The following UBA2 variants were observed in gnomAD, a reference collection of about 807,000 sequenced individuals.
UBA2 encodes the protein SUMO-activating enzyme subunit 2.
UBA2 carries 11 observed loss-of-function variants against 77.2 expected under a neutral mutation model. The observed-to-expected ratio is 0.14, with a 90% CI of 0.09 to 0.24. The LOEUF (loss-of-function observed/expected upper bound fraction) is 0.24. Among genes scored for constraint, UBA2 ranks in the 10% least tolerant of loss-of-function variants. The pLI is 1.00. For synonymous variants in UBA2, 278 were observed against 276.7 expected (o/e 1.00, Z -0.05); for missense variants, 487 against 781.7 (o/e 0.62, Z 4.50).
rs1254619977 is a variant in UBA2 at position 34,466,950 on chromosome 19, T to G, written c.1677T>G (p.Ala559=). 1.2e-6 allele frequency: 2 copies of G among 1,613,968 alleles called. No individual in the cohort carries two copies. Among genetic ancestry groups the G allele is most frequent in the South Asian group, 1.1e-5 (1 of 91,070 alleles). The change falls in exon 16 of 17, where the codon GCT becomes GCG. Residue 559 remains alanine (A), a synonymous_variant. Transcript: ENST00000246548. ...CGGAAAAAGTGGGGCCCAAACAAGC[T>G]GAAGATGCTGCCAAAAGCATAACCA... ...DAPEKVGPKQ[A]EDAAKSITNG...
At position 34,434,944 on chromosome 19, in the gene UBA2, T is replaced by C; in HGVS notation, c.435T>C (p.Leu145=). 1 of 1,608,540 alleles carries C rather than the reference T, an allele frequency of 6.2e-7. No homozygotes were observed. Among genetic ancestry groups the C allele is most frequent in the Non-Finnish European group, 8.5e-7 (1 of 1,177,492 alleles). The change falls in exon 5 of 17, where the codon CTT becomes CTC. Residue 145 remains leucine (L), a synonymous_variant. Transcript: ENST00000246548. ...TTGAAAGTGGAACAGCTGGGTATCT[T>C]GGACAAGTAACTACTATCAAAAAGG... ...PLIESGTAGY[L]GQVTTIKKGV...
chr19:34,430,273 A>G (rs1275520404), intron 1 of UBA2: 1 of 254,720 alleles, frequency 3.9e-6, no homozygotes, highest in East Asian at 7.8e-5. Flanking sequence ...GTTTTAATGA[A>G]TTCACATATT....
At chr19:34,433,894 G>A (rs2075282025) in intron 4 of UBA2, among the ~76,000 whole-genome samples, 1 of 152,154 alleles carries the variant, frequency 6.6e-6, no homozygotes, top group Admixed American at 6.6e-5. Flanking sequence ...GGAGGCAGAG[G>A]TTGCAGTGAG....
intron 14 of UBA2, among the ~76,000 whole-genome samples, chr19:34,463,617 A>C (rs2075656127): frequency 6.6e-6 from 1 of 152,116 alleles, no homozygotes; most frequent in African/African-American, 2.4e-5. Context: ...ACAGAGTCCT[A>C]AAAATTTTTT....
chr19:34,459,056 G>A, intron 13 of UBA2, 132 bp downstream of exon 13: 1 of 979,914 alleles, frequency 1.0e-6, no homozygotes, highest in Non-Finnish European at 1.4e-6. Context: ...GGGTTATTTT[G>A]CCTTCTGGAT....
At position 34,463,574 on chromosome 19, in the gene UBA2, G is replaced by GGATT. The variant is rs35095058; in HGVS notation, c.1499-429_1499-426dup. ...CCCTGATGTCTCTGTCCAGATTTTG[G>GGATT]GATTGATTGATTGATTGATTGATTG... On this transcript the variant is annotated intron_variant, in intron 14 of 16. Transcript: ENST00000246548. Among the ~76,000 whole-genome samples, 583 of 151,212 alleles carry GGATT rather than the reference G, an allele frequency of 3.9e-3. 1 individual carries two copies. The highest frequency in any genetic ancestry group is 0.013 in the African/African-American group (549 of 41,144).
At chr19:34,431,770 TG>T in intron 2 of UBA2, 90 bp from the exon 3 acceptor site, 1 of 1,098,150 alleles carries the variant, frequency 9.1e-7, no homozygotes, top group South Asian at 1.3e-5. Flanking sequence ...TAAGGTACTA[TG>T]TAAGTAGATA....
At position 34,454,288 on chromosome 19, in the gene UBA2, C is replaced by A. The variant is rs1367178802; in HGVS notation, c.1067C>A (p.Thr356Asn). ...KDDPSAMDFVTSAANLRMHIF... is the reference protein window; with the variant it reads ...KDDPSAMDFVNSAANLRMHIF... Reference sequence around the variant, plus strand: ...GACCCATCTGCAATGGATTTTGTCACCTCTGCTGCAAACCTCAGGATGCAT... The same window carrying A: ...GACCCATCTGCAATGGATTTTGTCAACTCTGCTGCAAACCTCAGGATGCAT... The change falls in exon 11 of 17, where the codon ACC becomes AAC. Residue 356 changes from threonine (T) to asparagine (N), a missense_variant. Transcript: ENST00000246548. The A allele has an allele frequency of 1.2e-6, 2 of 1,612,012 alleles. No homozygotes were observed.
intron 7 of UBA2, among the ~76,000 whole-genome samples, chr19:34,444,335 G>T (rs1003718240): frequency 6.6e-6 from 1 of 152,134 alleles, no homozygotes; most frequent in Non-Finnish European, 1.5e-5. Flanking sequence ...TGGGACAGGC[G>T]TAAGCAACCG....
intron 9 of UBA2, 103 bp downstream of exon 9, chr19:34,450,467 A>G (rs1477248284): frequency 2.8e-6 from 2 of 712,688 alleles, no homozygotes; most frequent in Non-Finnish European, 4.4e-6. Flanking sequence ...GTCTTCATAT[A>G]TTCAAACAGT....
Position 34,470,098 on chromosome 19 carries a change from A to AG in UBA2, c.*877_*878insG, listed in dbSNP as rs1298160059. ...GGTGAAACCCCATCTCTACTAAAAA[A>AG]AAAAAAAAAAATTAGCCGGGCCTGG... On this transcript the variant is annotated 3_prime_UTR_variant, in exon 17 of 17. Coordinates refer to ENST00000246548, the MANE Select transcript of UBA2 (RefSeq NM_005499.3). 2 of 151,368 alleles carry AG rather than the reference A, an allele frequency of 1.3e-5. No homozygotes were observed. The highest frequency in any genetic ancestry group is 2.9e-5 in the Non-Finnish European group (2 of 67,904). 9.4% of individuals were successfully genotyped at this position (151,368 alleles called of 1,614,324 possible). A position where few individuals can be genotyped will look rare whatever the true frequency, so the allele number is the denominator to read the frequency against.
chr19:34,446,376 G>A (rs2075430291), intron 8 of UBA2, among the ~76,000 whole-genome samples: 1 of 152,082 alleles, frequency 6.6e-6, no homozygotes. Context: ...ATCCACTTTC[G>A]GTAAAGGCTA....
chr19:34,447,156 G>A (rs1163640617), intron 8 of UBA2, among the ~76,000 whole-genome samples: 1 of 152,134 alleles, frequency 6.6e-6, no homozygotes, highest in African/African-American at 2.4e-5. Context: ...AGGGCAGGAA[G>A]CATCCAACAT....
At chr19:34,432,551 C>A (rs1043573193) in intron 3 of UBA2, among the ~76,000 whole-genome samples, 8 of 122,336 alleles carry the variant, frequency 6.5e-5, no homozygotes, top group Non-Finnish European at 1.2e-4. Context: ...ATTTGTATCT[C>A]CGGATTGTGT....
At chr19:34,464,410 T>C (rs1414020439) in intron 15 of UBA2, among the ~76,000 whole-genome samples, 2 of 151,912 alleles carry the variant, frequency 1.3e-5, no homozygotes, top group Non-Finnish European at 2.9e-5. Context: ...ATGCAAAAAT[T>C]AGCCGGGCAT....
At chr19:34,463,337 C>T (rs970921111) in intron 14 of UBA2, among the ~76,000 whole-genome samples, 3 of 152,132 alleles carry the variant, frequency 2.0e-5, no homozygotes, top group African/African-American at 7.2e-5. Flanking sequence ...GAATTCCCAG[C>T]GTTTTAATGT....
intron 12 of UBA2, among the ~76,000 whole-genome samples, chr19:34,457,179 A>AAAAATATATATATATATATATATATAT (rs1262007864): frequency 3.8e-5 from 2 of 53,224 alleles, no homozygotes; most frequent in Non-Finnish European, 6.0e-5. Flanking sequence ...AAAAAAAAAA[A>AAAAATATATATATATATATATATATAT]ATATATATAT....
rs141922612 is a variant in UBA2 at position 34,447,724 on chromosome 19, A to T, written c.772-2541A>T. On this transcript the variant is annotated intron_variant, in intron 8 of 16. Transcript: ENST00000246548. The stretch of plus-strand genomic sequence containing the variant: ...AATAAATTTCAGCTTCAGAGTCTTA[A>T]TGACATTAAGTTCAGATGCTTTGCA... Among the ~76,000 whole-genome samples the T allele has an allele frequency of 2.6e-4, 39 of 152,330 alleles. No homozygotes were observed. In the East Asian group the frequency reaches 6.6e-3, roughly 26 times the overall value.
At chr19:34,435,038 C>T (rs1388052028) in intron 5 of UBA2, 70 bp downstream of exon 5, 1 of 1,096,942 alleles carries the variant, frequency 9.1e-7, no homozygotes, top group Admixed American at 2.6e-5. Flanking sequence ...AGGAAATAAA[C>T]TTTGTATTTA....
Sources: gnomAD v4.1 joint callset for allele counts (sites outside exome capture counted in the v4.1 genomes callset) on GRCh38, gnomAD v4.1.1 for gene constraint, MANE v1.5 for transcripts, NCBI Gene and HGNC (gene_info 2026-07-23, HGNC 2026-07-21) for gene names.